Variants in TCF20 observed in about 807,000 individuals in gnomAD.
TCF20 encodes the protein transcription factor 20.
TCF20 carries 3 observed loss-of-function variants against 148.6 expected under a neutral mutation model. The observed-to-expected ratio is 0.02, with a 90% CI of 0.01 to 0.05. The LOEUF (loss-of-function observed/expected upper bound fraction) is 0.05. Among genes scored for constraint, TCF20 ranks in the 10% least tolerant of loss-of-function variants. The probability of loss-of-function intolerance (pLI) is 1.00; values close to 1 mark genes in which losing one functional copy is unlikely to be tolerated. For synonymous variants in TCF20, 1,049 were observed against 909.5 expected (o/e 1.15, Z -2.76); for missense variants, 2,350 against 2,429.3 (o/e 0.97, Z 0.69).
Position 42,214,569 on chromosome 22 carries a change from G to C in TCF20, c.737C>G (p.Ser246Cys). 1.3e-6 allele frequency: 2 copies of C among 1,594,490 alleles called. No homozygotes were observed. Among genetic ancestry groups the C allele is most frequent in the East Asian group, 4.5e-5 (2 of 44,502 alleles). The change falls in exon 2 of 6, where the codon TCC (serine) becomes TGC (cysteine). Residue 246 changes from serine (S) to cysteine (C), a missense_variant. Ser to Cys is a moderately radical substitution (Grantham distance 112). This residue lies in a region of TCF20 where 1,641 missense variants were observed against 1,662.6 expected (regional missense o/e 0.99). Coordinates refer to ENST00000677622, the MANE Select transcript of TCF20 (RefSeq NM_001378418.1). The part of the protein sequence containing the change: ...QSSASSSSSS[S>C]FPSPQRFSQS... Reference sequence around the variant, plus strand: ...GCTAAAACGCTGTGGTGAAGGGAAGGAGGAGGAGGAGGAGGAGGAAGCAGA... The same window carrying C: ...GCTAAAACGCTGTGGTGAAGGGAAGCAGGAGGAGGAGGAGGAGGAAGCAGA...
chr22:42,314,265 T>C (rs935952519), intron 1 of TCF20, among the ~76,000 whole-genome samples: 8 of 152,364 alleles, frequency 5.3e-5, no homozygotes, highest in African/African-American at 1.9e-4. Flanking sequence ...GGATGTGTGC[T>C]CTGGGGCAGA....
At chr22:42,314,178 C>T (rs895436430) in intron 1 of TCF20, among the ~76,000 whole-genome samples, 1 of 152,240 alleles carries the variant, frequency 6.6e-6, no homozygotes, top group Non-Finnish European at 1.5e-5. Context: ...AAGACATCTC[C>T]GCTAACCCAA....
At chr22:42,335,784 T>A (rs1165508266) in intron 1 of TCF20, among the ~76,000 whole-genome samples, 1 of 151,498 alleles carries the variant, frequency 6.6e-6, no homozygotes. Context: ...GGCAAGGGGG[T>A]GACAGGGAGC....
chr22:42,251,552 G>C (rs1442472374), intron 1 of TCF20, among the ~76,000 whole-genome samples: 1 of 124,652 alleles, frequency 8.0e-6, no homozygotes, highest in Non-Finnish European at 1.6e-5. Context: ...ACCCAGGTTG[G>C]AGTACAGTGG....
intron 1 of TCF20, among the ~76,000 whole-genome samples, chr22:42,235,633 C>T (rs967519149): frequency 6.6e-6 from 1 of 152,164 alleles, no homozygotes; most frequent in African/African-American, 2.4e-5. Context: ...TCTTCTGGGT[C>T]ATCTGTTGGA....
At position 42,232,532 on chromosome 22, in the gene TCF20, C is replaced by A. The variant is rs892655607; in HGVS notation, c.-36-17191G>T. Among the ~76,000 whole-genome samples the A allele has an allele frequency of 3.9e-5, 6 of 152,218 alleles. No homozygotes were observed. The East Asian group carries it at 1.2e-3, about 29-fold the overall frequency. On this transcript the variant is annotated intron_variant, in intron 1 of 5. Coordinates refer to ENST00000677622, the MANE Select transcript of TCF20 (RefSeq NM_001378418.1). ...ATTACAGGGCATAGTCATCTTTCAG[C>A]AACTAGTTCGATCGGCCGGGCGCAG...
intron 1 of TCF20, among the ~76,000 whole-genome samples, chr22:42,327,689 G>A (rs919223201): frequency 1.9e-4 from 29 of 151,738 alleles, no homozygotes; most frequent in African/African-American, 6.8e-4. Flanking sequence ...CAGAGGAAGA[G>A]GTGGAGCTGG....
chr22:42,216,963 TACATATA>T (rs1921872072), intron 1 of TCF20, among the ~76,000 whole-genome samples: 1 of 152,184 alleles, frequency 6.6e-6, no homozygotes. Context: ...AGTTCCAAAA[TACATATA>T]GGGTAAAGTG....
chr22:42,339,838 G>C (rs920757120), intron 1 of TCF20, among the ~76,000 whole-genome samples: 1 of 152,176 alleles, frequency 6.6e-6, no homozygotes, highest in Non-Finnish European at 1.5e-5. Flanking sequence ...AGCCTGATGC[G>C]CAGACTCAGG....
At chr22:42,254,979 A>AAAAAAAAAG (rs397699450) in intron 1 of TCF20, among the ~76,000 whole-genome samples, 1 of 147,642 alleles carries the variant, frequency 6.8e-6, no homozygotes, top group Non-Finnish European at 1.5e-5. Flanking sequence ...AAAAAAAAAA[A>AAAAAAAAAG]GGTAGAGGAA....
In TCF20 at chr22:42,254,076, C is replaced by CAAAA. The variant is rs528387021; in HGVS notation, c.-37+16259_-37+16262dup. On this transcript the variant is annotated intron_variant, in intron 1 of 5. Coordinates refer to ENST00000677622, the MANE Select transcript of TCF20 (RefSeq NM_001378418.1). ...GGGCAACAAGAGCAAAACTCCCTTT[C>CAAAA]AAAAAAAAAAAAAAAAAAAAAAAGT... Among the ~76,000 whole-genome samples the CAAAA allele has an allele frequency of 2.8e-3, 151 of 53,548 alleles. 2 individuals are homozygous for CAAAA. In the Middle Eastern group the frequency reaches 0.042, roughly 15 times the overall value. 35.1% of individuals were successfully genotyped at this position (53,548 alleles called of 152,430 possible).
chr22:42,200,574 G>A (rs936867141), intron 2 of TCF20, among the ~76,000 whole-genome samples: 7 of 150,996 alleles, frequency 4.6e-5, no homozygotes, highest in Non-Finnish European at 1.0e-4. Context: ...ACTGGGGGGT[G>A]GAGGTTGCAG....
At chr22:42,280,866 T>G (rs559996463) in intron 1 of TCF20, among the ~76,000 whole-genome samples, 1 of 152,200 alleles carries the variant, frequency 6.6e-6, no homozygotes, top group African/African-American at 2.4e-5. Flanking sequence ...AGCCCTGTGA[T>G]GTAGGTATTA....
At chr22:42,182,909 GT>G (rs577198765) in intron 2 of TCF20, among the ~76,000 whole-genome samples, 2 of 149,682 alleles carry the variant, frequency 1.3e-5, no homozygotes, top group Non-Finnish European at 3.0e-5. Flanking sequence ...GCAACTTTTT[GT>G]TTTTTTACTA....
intron 3 of TCF20, among the ~76,000 whole-genome samples, chr22:42,174,892 G>A (rs996008117): frequency 3.5e-4 from 53 of 152,084 alleles, no homozygotes; most frequent in East Asian, 1.7e-3. Flanking sequence ...AAAATTAGCC[G>A]GGCGTGGCGG....
At chr22:42,288,715 CAAAAAAAAAAAAAA>C (rs60058670), upstream of TCF20, among the ~76,000 whole-genome samples, 10 of 85,268 alleles carry the variant, frequency 1.2e-4, no homozygotes, top group Admixed American at 1.2e-4. Flanking sequence ...GACCCTGTAT[CAAAAAAAAAAAAAA>C]AAAAAAAAAA....
chr22:42,170,471 C>T (rs1171032353), intron 3 of TCF20, among the ~76,000 whole-genome samples: 2 of 149,974 alleles, frequency 1.3e-5, no homozygotes, highest in South Asian at 2.1e-4. Flanking sequence ...CACATCACTG[C>T]ACTATAGCCT....
At chr22:42,219,866 TAA>T (rs1356151261) in intron 1 of TCF20, among the ~76,000 whole-genome samples, 1 of 151,884 alleles carries the variant, frequency 6.6e-6, no homozygotes, top group African/African-American at 2.4e-5. Flanking sequence ...AATAAATAAA[TAA>T]AAAAGAGGCC....
intron 2 of TCF20, among the ~76,000 whole-genome samples, chr22:42,180,295 A>G (rs1936707649): frequency 1.3e-5 from 2 of 152,156 alleles, no homozygotes; most frequent in African/African-American, 4.8e-5. Flanking sequence ...ATTTTTATAC[A>G]TGAATCTTAT....
Sources: gnomAD v4.1 joint callset for allele counts (sites outside exome capture counted in the v4.1 genomes callset) on GRCh38, gnomAD v4.1.1 for gene constraint, gnomAD v4.1.1 regional missense constraint, MANE v1.5 for transcripts, NCBI Gene and HGNC (gene_info 2026-07-23, HGNC 2026-07-21) for gene names.